Variants in CDH20 observed in about 807,000 individuals in gnomAD.
The protein encoded by CDH20 is cadherin 20.
CDH20 carries 29 observed loss-of-function variants against 74.2 expected under a neutral mutation model. The ratio of observed to expected loss-of-function variants is 0.39; its 90% CI spans 0.29 to 0.53. CDH20 has a LOEUF of 0.53. CDH20 is among the 20% of genes least tolerant of loss of function. CDH20 has a pLI of 0.69. For missense variants in CDH20, 988 were observed against 1,048.3 expected, an observed-to-expected ratio of 0.94 and a Z score of 0.79; for synonymous variants, 469 against 405.4, an observed-to-expected ratio of 1.16 and a Z score of -1.88.
At chr18:61,401,013 T>C (rs1311935960) in intron 1 of CDH20, among the ~76,000 whole-genome samples, 1 of 152,198 alleles carries the variant, frequency 6.6e-6, no homozygotes, top group Admixed American at 6.5e-5. Context: ...TTTGATCTAA[T>C]GCGTTGAAGG....
chr18:61,443,223 A>AG (rs1275507759), intron 1 of CDH20, among the ~76,000 whole-genome samples: 6 of 152,114 alleles, frequency 3.9e-5, no homozygotes, highest in Admixed American at 3.9e-4. Context: ...AATGCCTCTA[A>AG]GGGCCAGCAA....
chr18:61,482,119 C>T (rs573429349), intron 1 of CDH20, among the ~76,000 whole-genome samples: 1 of 152,032 alleles, frequency 6.6e-6, no homozygotes, highest in South Asian at 2.1e-4. Context: ...AAGCTGGATT[C>T]AGAGCTGTAT....
chr18:61,537,704 T>C (rs978032249), intron 8 of CDH20, among the ~76,000 whole-genome samples: 2 of 152,210 alleles, frequency 1.3e-5, no homozygotes, highest in Non-Finnish European at 2.9e-5. Flanking sequence ...CATGGATTCA[T>C]CTATGCTTTT....
At chr18:61,400,773 T>C (rs1179349927) in intron 1 of CDH20, among the ~76,000 whole-genome samples, 1 of 152,222 alleles carries the variant, frequency 6.6e-6, no homozygotes, top group East Asian at 1.9e-4. Flanking sequence ...GTTATTCATC[T>C]TGGACCATAT....
intron 9 of CDH20, among the ~76,000 whole-genome samples, chr18:61,541,080 C>G (rs977572303): frequency 6.6e-5 from 10 of 151,922 alleles, no homozygotes; most frequent in African/African-American, 2.4e-4. Flanking sequence ...GAATTTACAG[C>G]CCAAGAAACG....
At chr18:61,405,151 A>G in intron 1 of CDH20, 1 of 597,992 alleles carries the variant, frequency 1.7e-6, no homozygotes, top group South Asian at 1.5e-5. Flanking sequence ...ATAACAAGTT[A>G]GAGCCTAGAA....
chr18:61,435,827 T>A (rs1164697266), intron 1 of CDH20, among the ~76,000 whole-genome samples: 3 of 152,034 alleles, frequency 2.0e-5, no homozygotes, highest in African/African-American at 7.2e-5. Flanking sequence ...CAATGTTTTT[T>A]AATATATTCA....
At chr18:61,479,224 A>T (rs1231902087) in intron 1 of CDH20, among the ~76,000 whole-genome samples, 1 of 152,006 alleles carries the variant, frequency 6.6e-6, no homozygotes, top group Non-Finnish European at 1.5e-5. Flanking sequence ...GCCAAAAAAA[A>T]ACCCAAGATG....
chr18:61,354,218 C>T (rs941990519), intron 1 of CDH20, among the ~76,000 whole-genome samples: 4 of 152,122 alleles, frequency 2.6e-5, no homozygotes, highest in Non-Finnish European at 4.4e-5. Context: ...GTGCTGGTCT[C>T]GACACCATTC....
At chr18:61,436,299 G>T (rs538926542) in intron 1 of CDH20, among the ~76,000 whole-genome samples, 2 of 152,132 alleles carry the variant, frequency 1.3e-5, no homozygotes, top group Admixed American at 6.5e-5. Flanking sequence ...GAGTGAAATT[G>T]CTGGGTAACT....
intron 1 of CDH20, among the ~76,000 whole-genome samples, chr18:61,457,134 G>A (rs1909598450): frequency 6.6e-6 from 1 of 151,948 alleles, no homozygotes; most frequent in African/African-American, 2.4e-5. Flanking sequence ...CCATTGTAGA[G>A]CATCATGTGT....
intron 1 of CDH20, among the ~76,000 whole-genome samples, chr18:61,362,846 C>T (rs1395917355): frequency 6.6e-6 from 1 of 152,016 alleles, no homozygotes; most frequent in Non-Finnish European, 1.5e-5. Flanking sequence ...ATTTATATTA[C>T]ATATATACAT....
intron 2 of CDH20, among the ~76,000 whole-genome samples, chr18:61,496,074 TCCCCCCTCTCTC>T (rs1911133185): frequency 2.9e-4 from 2 of 6,948 alleles, no homozygotes; most frequent in Non-Finnish European, 2.9e-4. Flanking sequence ...TCCCTTCCTC[TCCCCCCTCTCTC>T]CTCCCTTCCT....
intron 11 of CDH20, among the ~76,000 whole-genome samples, chr18:61,552,178 T>G (rs1316010205): frequency 4.9e-4 from 5 of 10,240 alleles, no homozygotes; most frequent in Admixed American, 5.0e-3. Context: ...TTCCTGGGTT[T>G]TTTTTTTTCA....
At chr18:61,466,930 C>T (rs540814908) in intron 1 of CDH20, among the ~76,000 whole-genome samples, 14 of 152,266 alleles carry the variant, frequency 9.2e-5, no homozygotes, top group African/African-American at 3.4e-4. Flanking sequence ...CCCAGCCATC[C>T]TTGCAGGTTC....
At chr18:61,361,055 A>G (rs1910675362) in intron 1 of CDH20, among the ~76,000 whole-genome samples, 1 of 152,246 alleles carries the variant, frequency 6.6e-6, no homozygotes, top group Non-Finnish European at 1.5e-5. Context: ...TAATTTGATT[A>G]TCATTCAGAC....
At position 61,507,461 on chromosome 18, in the gene CDH20, T is replaced by C. The variant is rs1240267746; in HGVS notation, c.918T>C (p.Asn306=). 3 of 1,613,914 alleles carry C rather than the reference T, an allele frequency of 1.9e-6. No individual in the cohort carries two copies. Among genetic ancestry groups the C allele is most frequent in the South Asian group, 2.2e-5 (2 of 91,068 alleles). Residue 306 remains asparagine, a synonymous_variant, in exon 6 of 12, where the codon AAT becomes AAC. Coordinates refer to ENST00000262717, the MANE Select transcript of CDH20 (RefSeq NM_031891.4). ...VFAKDLDEGI[N]AEMKYTIVDG... Reference sequence around the variant, plus strand: ...CCAAGGACTTGGATGAAGGCATCAATGCAGAGATGAAATATACTATTGTGG... The same window carrying C: ...CCAAGGACTTGGATGAAGGCATCAACGCAGAGATGAAATATACTATTGTGG...
intron 9 of CDH20, among the ~76,000 whole-genome samples, chr18:61,543,747 A>G (rs1186768474): frequency 6.6e-6 from 1 of 151,936 alleles, no homozygotes; most frequent in Non-Finnish European, 1.5e-5. Context: ...CCATTCCCTC[A>G]TGTCTGTTTT....
At chr18:61,481,661 A>G (rs1236617902) in intron 1 of CDH20, among the ~76,000 whole-genome samples, 50 of 152,176 alleles carry the variant, frequency 3.3e-4, no homozygotes, top group Admixed American at 3.1e-3. Context: ...TTACATTTAT[A>G]TGGCATCAGA....
Sources: gnomAD v4.1 joint callset for allele counts (sites outside exome capture counted in the v4.1 genomes callset) on GRCh38, gnomAD v4.1.1 for gene constraint, MANE v1.5 for transcripts, NCBI Gene and HGNC (gene_info 2026-07-23, HGNC 2026-07-21) for gene names.